FRY: variants seen among roughly 807,000 people sequenced by gnomAD.
FRY encodes FRY microtubule binding protein.
A neutral mutation model predicts 348.4 loss-of-function variants in FRY; 128 were observed. The observed-to-expected ratio is 0.37, with a 90% CI of 0.32 to 0.43. The LOEUF is 0.43. Ranked by LOEUF, FRY falls within the 20% of genes least tolerant of loss-of-function variation. The pLI is 1.00. For synonymous variants in FRY, 1,370 were observed against 1,374.7 expected (o/e 1.00, Z 0.08); for missense variants, 2,736 against 3,695.2 (o/e 0.74, Z 6.73).
intron 55 of FRY, among the ~76,000 whole-genome samples, chr13:32,269,746 G>T (rs1888115010): frequency 6.6e-6 from 1 of 152,040 alleles, no homozygotes; most frequent in African/African-American, 2.4e-5. Context: ...GTGAGCAGAA[G>T]GTTAGGCAAA....
At position 32,272,057 on chromosome 13, in the gene FRY, GTT is replaced by G. The variant is rs1324390917; in HGVS notation, c.8137-2784_8137-2783del. Among the ~76,000 whole-genome samples the G allele has an allele frequency of 1.3e-3, 198 of 152,172 alleles. 1 individual carries two copies. The highest frequency in any genetic ancestry group is 7.1e-3 in the South Asian group (34 of 4,812). Reference sequence around the variant, plus strand: ...CATACCTCCTATTTTGCTTTTTAATGTTACATTTATACTTGAGAACTTTCTCA... The same window carrying G: ...CATACCTCCTATTTTGCTTTTTAATGACATTTATACTTGAGAACTTTCTCA... On this transcript the variant is annotated intron_variant, in intron 55 of 60. Coordinates refer to ENST00000542859, the MANE Select transcript of FRY (RefSeq NM_023037.3).
chr13:32,272,213 G>A (rs956171512), intron 55 of FRY, among the ~76,000 whole-genome samples: 11 of 152,182 alleles, frequency 7.2e-5, no homozygotes, highest in African/African-American at 2.4e-4. Context: ...TCCTCACAAT[G>A]TGTGTTTACT....
At chr13:32,089,381 G>C (rs963045979) in intron 2 of FRY, among the ~76,000 whole-genome samples, 2 of 152,126 alleles carry the variant, frequency 1.3e-5, no homozygotes, top group African/African-American at 4.8e-5. Context: ...TTGAAGGCAG[G>C]GGGGTTGGAA....
intron 2 of FRY, chr13:32,085,974 A>G (rs747152172): frequency 1.9e-6 from 1 of 518,904 alleles, no homozygotes; most frequent in Non-Finnish European, 3.8e-6. Context: ...CAACGATCTC[A>G]CTGTATTTCC....
intron 2 of FRY, among the ~76,000 whole-genome samples, chr13:32,094,935 A>G (rs1386787319): frequency 6.6e-6 from 1 of 152,204 alleles, no homozygotes; most frequent in Admixed American, 6.5e-5. Flanking sequence ...ACTGTTCTCC[A>G]TAGTGGTTGT....
In FRY at chr13:32,218,677, C is replaced by CAAAAA. The variant is rs10717683; in HGVS notation, c.4683-57_4683-53dup. On this transcript the variant is annotated intron_variant, in intron 35 of 60. Transcript: ENST00000542859. The stretch of plus-strand genomic sequence containing the variant: ...CTGGTGACAGAGTGAGACTCCAACT[C>CAAAAA]AAAAAAAAAAAAAAAAAAAGCGCAT... The CAAAAA allele has an allele frequency of 4.8e-4, 278 of 575,704 alleles. 8 individuals carry two copies. The highest frequency in any genetic ancestry group is 9.4e-4 in the Middle Eastern group (2 of 2,126). 35.7% of individuals were successfully genotyped at this position (575,704 alleles called of 1,614,324 possible).
chr13:32,239,402 C>A lies in FRY; in HGVS notation c.6516+53C>A. Reference sequence around the variant, plus strand: ...AGATCCATAGAGGCCTTCAGGACGCCCTAGTGTCAGGCAAATTACAAGGCC... The same window carrying A: ...AGATCCATAGAGGCCTTCAGGACGCACTAGTGTCAGGCAAATTACAAGGCC... On this transcript the variant is annotated intron_variant, in intron 45 of 60. Transcript: ENST00000542859. The surrounding 1 kb of genome is among the most constrained non-coding windows in gnomAD (Gnocchi z 4.3). The A allele has an allele frequency of 9.1e-7, 1 of 1,096,234 alleles. No homozygotes were observed. Among genetic ancestry groups the A allele is most frequent in the South Asian group, 1.2e-5 (1 of 80,748 alleles). The allele number at this position is 1,096,234 out of a possible 1,614,324, so 67.9% of individuals were successfully genotyped here. A position where few individuals can be genotyped will look rare whatever the true frequency, so the allele number is the denominator to read the frequency against.
intron 17 of FRY, among the ~76,000 whole-genome samples, chr13:32,168,453 T>G (rs1881875256): frequency 6.6e-6 from 1 of 152,218 alleles, no homozygotes; most frequent in African/African-American, 2.4e-5. Flanking sequence ...ATCTGGGCAC[T>G]GAGGCCCAGC....
intron 35 of FRY, among the ~76,000 whole-genome samples, chr13:32,215,204 AT>A (rs528122045): frequency 6.6e-6 from 1 of 152,116 alleles, no homozygotes; most frequent in African/African-American, 2.4e-5. Flanking sequence ...ATAACATTCA[AT>A]TTTTTTAAAA....
At chr13:32,131,352 G>A (rs568394492) in intron 7 of FRY, among the ~76,000 whole-genome samples, 1 of 152,296 alleles carries the variant, frequency 6.6e-6, no homozygotes, top group Non-Finnish European at 1.5e-5. Context: ...GTTGAAAATG[G>A]CCAAGCCTGA....
chr13:32,126,714 A>C (rs1169180414), intron 7 of FRY, among the ~76,000 whole-genome samples: 4 of 152,246 alleles, frequency 2.6e-5, no homozygotes, highest in Non-Finnish European at 5.9e-5. Flanking sequence ...CTAGTATCAT[A>C]CCATGAATTA....
intron 50 of FRY, 24 bp from the exon 51 acceptor site, chr13:32,254,200 C>T: frequency 1.9e-6 from 3 of 1,612,952 alleles, no homozygotes; most frequent in Non-Finnish European, 1.7e-6. Flanking sequence ...AACGGTTTCT[C>T]AGGAGAGGAC....
intron 17 of FRY, among the ~76,000 whole-genome samples, chr13:32,167,217 G>A (rs993797128): frequency 1.3e-5 from 2 of 152,134 alleles, no homozygotes; most frequent in African/African-American, 4.8e-5. Context: ...GGTTTGCTAG[G>A]GCTGCTGTAA....
chr13:32,197,822 T>G (rs1327464655), intron 29 of FRY, among the ~76,000 whole-genome samples: 1 of 152,200 alleles, frequency 6.6e-6, no homozygotes, highest in Non-Finnish European at 1.5e-5. Context: ...TTTCCCAAAT[T>G]CTTCAACATC....
At chr13:32,197,908 G>T (rs527711766) in intron 29 of FRY, among the ~76,000 whole-genome samples, 1 of 152,172 alleles carries the variant, frequency 6.6e-6, no homozygotes, top group Admixed American at 6.5e-5. Flanking sequence ...TTTATCATTT[G>T]ATTTTTATTT....
intron 1 of FRY, among the ~76,000 whole-genome samples, chr13:32,070,357 T>A (rs1307405992): frequency 6.6e-6 from 1 of 152,210 alleles, no homozygotes; most frequent in East Asian, 1.9e-4. Context: ...TTCCTATTTC[T>A]CCACATCCTC....
chr13:32,135,050 T>G (rs1183211170), intron 9 of FRY, 35 bp from the exon 10 acceptor site: 1 of 1,544,132 alleles, frequency 6.5e-7, no homozygotes. Context: ...TCAACAATTT[T>G]ATTAATATAA....
Position 32,265,673 on chromosome 13 carries a change from C to T in FRY, c.7946+57C>T, listed in dbSNP as rs1887885935. The T allele has an allele frequency of 2.7e-6, 4 of 1,504,784 alleles. No individual in the cohort carries two copies. The South Asian group carries it at 4.7e-5, about 18-fold the overall frequency. 93.2% of individuals were successfully genotyped at this position (1,504,784 alleles called of 1,614,324 possible). On this transcript the variant is annotated intron_variant, in intron 54 of 60. Coordinates refer to ENST00000542859, the MANE Select transcript of FRY (RefSeq NM_023037.3). Reference sequence around the variant, plus strand: ...TGAATGTGCATGGTACATTATATGGCATTCACACTCAAGTTAAGTGTCACA... The same window carrying T: ...TGAATGTGCATGGTACATTATATGGTATTCACACTCAAGTTAAGTGTCACA...
intron 3 of FRY, among the ~76,000 whole-genome samples, chr13:32,108,531 G>T (rs1415773556): frequency 6.6e-6 from 1 of 152,118 alleles, no homozygotes; most frequent in Admixed American, 6.5e-5. Flanking sequence ...GATATAAAAT[G>T]AACCTGTATT....
Sources: allele counts gnomAD v4.1 joint callset (sites outside exome capture counted in the v4.1 genomes callset), GRCh38; gene constraint gnomAD v4.1.1; non-coding constraint Gnocchi (gnomAD v3.1); transcripts MANE v1.5; gene names NCBI Gene and HGNC (gene_info 2026-07-23, HGNC 2026-07-21).